Variants in ZDHHC14 observed in about 807,000 individuals in gnomAD.
The protein encoded by ZDHHC14 is palmitoyltransferase ZDHHC14.
Under a neutral mutation model 47.7 loss-of-function variants are expected in ZDHHC14, and 16 were observed. That is an observed-to-expected ratio of 0.34 (90% confidence interval 0.23 to 0.51). The LOEUF is 0.51. ZDHHC14 is among the 20% of genes least tolerant of loss of function. The probability of loss-of-function intolerance (pLI) is 0.97; values close to 1 mark genes in which losing one functional copy is unlikely to be tolerated. For missense variants in ZDHHC14, 515 were observed against 662.5 expected, an observed-to-expected ratio of 0.78 and a Z score of 2.44; for synonymous variants, 293 against 278.9, an observed-to-expected ratio of 1.05 and a Z score of -0.50.
At chr6:157,454,498 C>CTTTT (rs5881212) in intron 1 of ZDHHC14, among the ~76,000 whole-genome samples, 1 of 127,674 alleles carries the variant, frequency 7.8e-6, no homozygotes, top group Non-Finnish European at 1.7e-5. Flanking sequence ...GCAGCTTCTT[C>CTTTT]TTTTTTTTTT....
At chr6:157,654,084 C>T (rs1777971491) in intron 8 of ZDHHC14, among the ~76,000 whole-genome samples, 1 of 152,200 alleles carries the variant, frequency 6.6e-6, no homozygotes. Flanking sequence ...AGTCTGGGAT[C>T]AGCCCTGTGT....
chr6:157,431,752 C>A (rs1307805692), intron 1 of ZDHHC14, among the ~76,000 whole-genome samples: 1 of 144,916 alleles, frequency 6.9e-6, no homozygotes, highest in South Asian at 2.2e-4. Flanking sequence ...TTTTTTGAGA[C>A]GGAGTCTCAC....
At chr6:157,467,880 C>T (rs1230413799) in intron 1 of ZDHHC14, among the ~76,000 whole-genome samples, 8 of 151,944 alleles carry the variant, frequency 5.3e-5, no homozygotes, top group Non-Finnish European at 8.8e-5. Context: ...ATGAGTAGAC[C>T]GCATCATATT....
chr6:157,616,343 C>G (rs1027708598), intron 3 of ZDHHC14, among the ~76,000 whole-genome samples: 8 of 152,214 alleles, frequency 5.3e-5, no homozygotes, highest in Non-Finnish European at 1.0e-4. Flanking sequence ...GGGGATGCCA[C>G]TAGCAAAGAA....
intron 2 of ZDHHC14, among the ~76,000 whole-genome samples, chr6:157,588,615 G>A (rs1783783846): frequency 6.6e-6 from 1 of 152,230 alleles, no homozygotes. Context: ...ACCCTGAGCT[G>A]TTCTAAATCA....
intron 3 of ZDHHC14, among the ~76,000 whole-genome samples, chr6:157,595,876 G>A (rs1562498304): frequency 6.6e-6 from 1 of 152,154 alleles, no homozygotes; most frequent in Non-Finnish European, 1.5e-5. Context: ...ACATGGTGGT[G>A]GTCTATGTAT....
Position 157,430,662 on chromosome 6 carries a change from A to G in ZDHHC14, c.245+48396A>G, listed in dbSNP as rs575369300. Among the ~76,000 whole-genome samples the G allele has an allele frequency of 2.0e-5, 3 of 152,362 alleles. No homozygotes were observed. In the South Asian group the frequency reaches 6.2e-4, roughly 32 times the overall value. ...CTCCCTATTATAATGTCAGCTGATG[A>G]GCAGTCTTGCTTCCGTCTGCAACGT... On this transcript the variant is annotated intron_variant, in intron 1 of 8. Transcript: ENST00000359775.
chr6:157,622,743 G>A (rs1413701361), intron 3 of ZDHHC14, among the ~76,000 whole-genome samples: 5 of 152,170 alleles, frequency 3.3e-5, no homozygotes. Context: ...CTGGAACCCT[G>A]TTTTGTCTTG....
chr6:157,628,378 G>C lies in ZDHHC14; in HGVS notation c.595G>C (p.Gly199Arg). The change falls in exon 4 of 9, where the codon GGC becomes CGC. Residue 199 changes from glycine (G) to arginine (R), a missense_variant. Transcript: ENST00000359775. ...GTTTGATCACCACTGTCCCTGGGTA[G>C]GCAACTGTGTGGGGAAAAGAAACTA... Reference protein sequence around the residue: ...ERFDHHCPWVGNCVGKRNYRF... With the variant: ...ERFDHHCPWVRNCVGKRNYRF... The C allele has an allele frequency of 6.2e-7, 1 of 1,612,344 alleles. No individual in the cohort carries two copies. Among genetic ancestry groups the C allele is most frequent in the Non-Finnish European group, 8.5e-7 (1 of 1,179,672 alleles).
intron 1 of ZDHHC14, among the ~76,000 whole-genome samples, chr6:157,410,031 A>G (rs1363119514): frequency 6.6e-6 from 1 of 151,916 alleles, no homozygotes; most frequent in Admixed American, 6.6e-5. Context: ...GGGTATCACC[A>G]TGTTGGCCAG....
At position 157,534,025 on chromosome 6, in the gene ZDHHC14, G is replaced by T. The variant is rs139998323; in HGVS notation, c.246-8560G>T. Among the ~76,000 whole-genome samples the T allele has an allele frequency of 4.6e-5, 7 of 152,216 alleles. No homozygotes were observed. In the East Asian group the frequency reaches 7.7e-4, roughly 17 times the overall value. On this transcript the variant is annotated intron_variant, in intron 1 of 8. Coordinates refer to ENST00000359775, the MANE Select transcript of ZDHHC14 (RefSeq NM_024630.3). ...CTTAATGATACATCTTAAAATGTGG[G>T]GTACCTTAGATTGGATGAAACAAGA...
In ZDHHC14 at chr6:157,469,378, G is replaced by A. The variant is rs1779301446; in HGVS notation, c.246-73207G>A. 1.3e-5 allele frequency among the ~76,000 whole-genome samples: 2 copies of A among 152,156 alleles called. 1 individual carries two copies. Among genetic ancestry groups the A allele is most frequent in the South Asian group, 4.1e-4 (2 of 4,824 alleles). Reference sequence around the variant, plus strand: ...TAGTAGGTATTTCAGGCAGACTTTTGGGGCAGTTGTGCCCTAGGTACTCCT... The same window carrying A: ...TAGTAGGTATTTCAGGCAGACTTTTAGGGCAGTTGTGCCCTAGGTACTCCT... On this transcript the variant is annotated intron_variant, in intron 1 of 8. Coordinates refer to ENST00000359775, the MANE Select transcript of ZDHHC14 (RefSeq NM_024630.3).
At chr6:157,641,428 C>T (rs183181794) in intron 5 of ZDHHC14, among the ~76,000 whole-genome samples, 1 of 152,152 alleles carries the variant, frequency 6.6e-6, no homozygotes, top group Non-Finnish European at 1.5e-5. Context: ...AAAAATATTA[C>T]ACTGTTTTAA....
intron 3 of ZDHHC14, among the ~76,000 whole-genome samples, chr6:157,610,637 C>G (rs889779156): frequency 2.0e-5 from 3 of 152,194 alleles, no homozygotes; most frequent in African/African-American, 7.2e-5. Context: ...CGTTGGCCCA[C>G]AGAGCGGCCT....
At chr6:157,469,116 G>C (rs907092232) in intron 1 of ZDHHC14, among the ~76,000 whole-genome samples, 3 of 152,202 alleles carry the variant, frequency 2.0e-5, no homozygotes, top group African/African-American at 7.2e-5. Flanking sequence ...CTGCAGCTGG[G>C]ACAGCAGGCA....
chr6:157,439,707 T>C (rs139351651), intron 1 of ZDHHC14, among the ~76,000 whole-genome samples: 2,125 of 152,274 alleles, frequency 0.014, 53 homozygotes, highest in African/African-American at 0.049. Flanking sequence ...GGTTCATGCA[T>C]ACATATATTC....
At chr6:157,493,734 G>C (rs1426432479) in intron 1 of ZDHHC14, among the ~76,000 whole-genome samples, 2 of 152,240 alleles carry the variant, frequency 1.3e-5, no homozygotes, top group African/African-American at 4.8e-5. Flanking sequence ...CTTTTCCTGG[G>C]AAGTGCCCGC....
intron 1 of ZDHHC14, among the ~76,000 whole-genome samples, chr6:157,388,548 A>G (rs1039168000): frequency 3.9e-5 from 6 of 152,216 alleles, no homozygotes; most frequent in Non-Finnish European, 1.5e-5. Flanking sequence ...ATCAATAGAT[A>G]CTTAATTAGT....
At chr6:157,415,954 A>G (rs1463376731) in intron 1 of ZDHHC14, among the ~76,000 whole-genome samples, 1 of 152,160 alleles carries the variant, frequency 6.6e-6, no homozygotes, top group East Asian at 1.9e-4. Context: ...AATACCAAAG[A>G]CAGCATATTC....
Sources: gnomAD v4.1 joint callset for allele counts (sites outside exome capture counted in the v4.1 genomes callset) on GRCh38, gnomAD v4.1.1 for gene constraint, MANE v1.5 for transcripts, NCBI Gene and HGNC (gene_info 2026-07-23, HGNC 2026-07-21) for gene names.